KCNN3: variants seen among roughly 807,000 people sequenced by gnomAD.
The protein encoded by KCNN3 is potassium calcium-activated channel subfamily N member 3, also known as small conductance calcium-activated potassium channel protein 3.
KCNN3 carries 16 observed loss-of-function variants against 62.9 expected under a neutral mutation model. The observed-to-expected ratio is 0.25, with a 90% CI of 0.17 to 0.39. The LOEUF (loss-of-function observed/expected upper bound fraction) is 0.39. KCNN3 is among the 10% of genes least tolerant of loss of function. KCNN3 has a pLI of 1.00. For synonymous variants in KCNN3, 370 were observed against 389.2 expected (o/e 0.95, Z 0.58); for missense variants, 599 against 949.4 (o/e 0.63, Z 4.85).
intron 2 of KCNN3, among the ~76,000 whole-genome samples, chr1:154,789,159 G>A (rs896300433): frequency 6.6e-6 from 1 of 152,144 alleles, no homozygotes; most frequent in African/African-American, 2.4e-5. Flanking sequence ...AGCTTCCAGA[G>A]AGGGCCTGCC....
At chr1:154,864,906 G>A (rs1051232849) in intron 1 of KCNN3, among the ~76,000 whole-genome samples, 1 of 152,076 alleles carries the variant, frequency 6.6e-6, no homozygotes, top group Non-Finnish European at 1.5e-5. Context: ...ACAGATTGGT[G>A]GAAAAGAAGA....
chr1:154,856,543 A>C (rs41412150), intron 1 of KCNN3, among the ~76,000 whole-genome samples: 2,546 of 152,206 alleles, frequency 0.017, 63 homozygotes, highest in African/African-American at 0.058. Flanking sequence ...AAAACAGAGG[A>C]CCAGAAACTA....
rs180744799 is a variant in KCNN3 at position 154,848,804 on chromosome 1, G to A, written c.933+20228C>T. Among the ~76,000 whole-genome samples, 228 of 152,174 alleles carry A rather than the reference G, an allele frequency of 1.5e-3. 1 individual carries two copies. Among genetic ancestry groups the A allele is most frequent in the Non-Finnish European group, 2.6e-3 (177 of 68,020 alleles). ...GAAGCCTCCAAACATTAATATCCGC[G>A]GCAGGCCCTTAACGGGATGCAGAGC... On this transcript the variant is annotated intron_variant, in intron 1 of 7. Coordinates refer to ENST00000271915, the MANE Select transcript of KCNN3 (RefSeq NM_002249.6).
chr1:154,748,988 T>C (rs1465510566), intron 3 of KCNN3, among the ~76,000 whole-genome samples: 1 of 152,094 alleles, frequency 6.6e-6, no homozygotes, highest in Non-Finnish European at 1.5e-5. Context: ...TCTTTGACCA[T>C]ATTGCACCTT....
intron 1 of KCNN3, among the ~76,000 whole-genome samples, chr1:154,826,192 TA>T (rs1239098553): frequency 6.6e-6 from 1 of 152,192 alleles, no homozygotes; most frequent in African/African-American, 2.4e-5. Flanking sequence ...ATATGTAGTA[TA>T]TTTCCAATTA....
chr1:154,838,210 A>G (rs1651680189), intron 1 of KCNN3, among the ~76,000 whole-genome samples: 2 of 152,254 alleles, frequency 1.3e-5, no homozygotes, highest in East Asian at 3.9e-4. Context: ...GAGTCTTTGC[A>G]TCTTACAGGT....
intron 1 of KCNN3, among the ~76,000 whole-genome samples, chr1:154,864,674 G>A (rs1029714880): frequency 2.0e-5 from 3 of 152,246 alleles, no homozygotes; most frequent in African/African-American, 7.2e-5. Flanking sequence ...GAGCAGACAG[G>A]GCAGCCTGGA....
At chr1:154,752,303 T>C (rs1471624569) in intron 3 of KCNN3, among the ~76,000 whole-genome samples, 1 of 152,212 alleles carries the variant, frequency 6.6e-6, no homozygotes, top group Non-Finnish European at 1.5e-5. Flanking sequence ...AGATCTACAC[T>C]GCCATTAGCA....
intron 2 of KCNN3, among the ~76,000 whole-genome samples, chr1:154,777,151 T>C (rs1044634764): frequency 6.6e-6 from 1 of 152,122 alleles, no homozygotes; most frequent in Non-Finnish European, 1.5e-5. Flanking sequence ...AATGAGGGAA[T>C]AGACTAGACA....
Position 154,728,062 on chromosome 1 carries a change from C to T in KCNN3, c.1591-2036G>A, listed in dbSNP as rs561121741. ...CAATAGGCCTGAAGAGGGAGCTTCC[C>T]TGTTCCATGCTATTTTGGGAATGTA... On this transcript the variant is annotated intron_variant, in intron 4 of 7. Transcript: ENST00000271915. Among the ~76,000 whole-genome samples the T allele has an allele frequency of 2.5e-4, 38 of 152,340 alleles. 2 individuals are homozygous for T. The East Asian group carries it at 2.9e-3, about 12-fold the overall frequency.
At chr1:154,746,401 CG>C (rs1700936449) in intron 3 of KCNN3, among the ~76,000 whole-genome samples, 1 of 151,926 alleles carries the variant, frequency 6.6e-6, no homozygotes, top group African/African-American at 2.4e-5. Context: ...AGAAGCAGGG[CG>C]GGGAAAGAAC....
At position 154,732,853 on chromosome 1, in the gene KCNN3, C is replaced by G. The variant is rs1028980924; in HGVS notation, c.1590+150G>C. On this transcript the variant is annotated intron_variant, in intron 4 of 7. Transcript: ENST00000271915. Reference sequence around the variant, plus strand: ...AAACCATTGCAGATTTCCCACCTGACATTTTATGTGTAGGGGACACACATG... The same window carrying G: ...AAACCATTGCAGATTTCCCACCTGAGATTTTATGTGTAGGGGACACACATG... 9 of 776,226 alleles carry G rather than the reference C, an allele frequency of 1.2e-5. No individual in the cohort carries two copies. In the East Asian group the frequency reaches 2.3e-4, roughly 20 times the overall value. The allele number at this position is 776,226 out of a possible 1,614,324, so 48.1% of individuals were successfully genotyped here. A position where few individuals can be genotyped will look rare whatever the true frequency, so the allele number is the denominator to read the frequency against.
chr1:154,860,120 C>G (rs1652704786), intron 1 of KCNN3, among the ~76,000 whole-genome samples: 1 of 152,338 alleles, frequency 6.6e-6, no homozygotes, highest in South Asian at 2.1e-4. Flanking sequence ...GGGAACGTCA[C>G]CCACTGCCAC....
At chr1:154,715,573 CTTTT>C (rs778248437) in intron 5 of KCNN3, among the ~76,000 whole-genome samples, 1 of 150,420 alleles carries the variant, frequency 6.6e-6, no homozygotes, top group African/African-American at 2.4e-5. Context: ...TTCTTTCTTT[CTTTT>C]TCTTTCTTTC....
At chr1:154,763,946 A>C (rs1374989944) in intron 3 of KCNN3, among the ~76,000 whole-genome samples, 2 of 152,216 alleles carry the variant, frequency 1.3e-5, no homozygotes, top group Non-Finnish European at 2.9e-5. Flanking sequence ...ACTTTTATCC[A>C]TATTAAATGG....
chr1:154,837,887 C>T (rs951992747), intron 1 of KCNN3, among the ~76,000 whole-genome samples: 2 of 152,210 alleles, frequency 1.3e-5, no homozygotes, highest in Admixed American at 1.3e-4. Context: ...TGAAGAGACA[C>T]AGCTGGGCCC....
intron 3 of KCNN3, among the ~76,000 whole-genome samples, chr1:154,735,967 C>T (rs1273857456): frequency 6.6e-6 from 1 of 152,200 alleles, no homozygotes; most frequent in Non-Finnish European, 1.5e-5. Flanking sequence ...ACAGTCACAG[C>T]CAGGGTCCTC....
chr1:154,789,007 C>T (rs1274045487), intron 2 of KCNN3, among the ~76,000 whole-genome samples: 2 of 152,236 alleles, frequency 1.3e-5, no homozygotes, highest in African/African-American at 4.8e-5. Context: ...TAACACATTA[C>T]TTAAAACAAC....
chr1:154,863,364 A>G (rs1652835944), intron 1 of KCNN3, among the ~76,000 whole-genome samples: 1 of 152,234 alleles, frequency 6.6e-6, no homozygotes, highest in Admixed American at 6.5e-5. Flanking sequence ...TTATTTAAAG[A>G]GGAATAGGTG....
Sources: gnomAD v4.1 joint callset for allele counts (sites outside exome capture counted in the v4.1 genomes callset) on GRCh38, gnomAD v4.1.1 for gene constraint, MANE v1.5 for transcripts, NCBI Gene and HGNC (gene_info 2026-07-23, HGNC 2026-07-21) for gene names.